The following TGFB1 variants were observed in gnomAD, a reference collection of about 807,000 sequenced individuals.
The protein encoded by TGFB1 is transforming growth factor beta-1 proprotein.
A neutral mutation model predicts 43.8 loss-of-function variants in TGFB1; 19 were observed. The ratio of observed to expected loss-of-function variants is 0.43; its 90% confidence interval spans 0.30 to 0.64. TGFB1 has a LOEUF of 0.64. Among genes scored for constraint, TGFB1 ranks in the 30% least tolerant of loss-of-function variants. The pLI is 0.11. For missense variants in TGFB1, 445 were observed against 529.8 expected, an observed-to-expected ratio of 0.84 and a Z score of 1.57; for synonymous variants, 221 against 236.3, an observed-to-expected ratio of 0.94 and a Z score of 0.60.
Position 41,352,629 on chromosome 19 carries a change from C to T in TGFB1, c.355+61G>A, listed in dbSNP as rs1351452927. On this transcript the variant is annotated intron_variant, in intron 1 of 6. Coordinates refer to ENST00000221930, the MANE Select transcript of TGFB1 (RefSeq NM_000660.7). ...CTGCCAGTCACTTCCTACCCGTGGCCCCGGCACTCCGGCGCCCCCTGGGGG... is the reference window on the plus strand; with the variant it reads ...CTGCCAGTCACTTCCTACCCGTGGCTCCGGCACTCCGGCGCCCCCTGGGGG... 8 of 1,582,296 alleles carry T rather than the reference C, an allele frequency of 5.1e-6. No individual in the cohort carries two copies. In the South Asian group the frequency reaches 5.6e-5, roughly 11 times the overall value.
chr19:41,346,701 T>C (rs543318549), intron 2 of TGFB1, among the ~76,000 whole-genome samples: 95 of 152,226 alleles, frequency 6.2e-4, no homozygotes, highest in Non-Finnish European at 9.6e-4. Flanking sequence ...ACTAGAAATA[T>C]GGCCAGTGAG....
Position 41,330,994 on chromosome 19 carries a change from C to CGGGGGCGGGGCGGGGT in TGFB1, c.*42_*57dup. The CGGGGGCGGGGCGGGGT allele has an allele frequency of 1.0e-6, 1 of 960,120 alleles. No homozygotes were observed. The highest frequency in any genetic ancestry group is 3.0e-5 in the South Asian group (1 of 33,656). The allele number at this position is 960,120 out of a possible 1,614,324, so 59.5% of individuals were successfully genotyped here. A position where few individuals can be genotyped will look rare whatever the true frequency, so the allele number is the denominator to read the frequency against. On this transcript the variant is annotated 3_prime_UTR_variant, in exon 7 of 7. Transcript: ENST00000221930. ...AATACAGCCCCCATGGGCAAGGCAG[C>CGGGGGCGGGGCGGGGT]GGGGGCGGGGCGGGGTGGGGCCGGG...
chr19:41,333,209 ATTTTTTTT>A (rs1161079448), intron 5 of TGFB1, among the ~76,000 whole-genome samples: 1 of 86,400 alleles, frequency 1.2e-5, no homozygotes, highest in African/African-American at 5.2e-5. Flanking sequence ...TTTTTTTTCT[ATTTTTTTT>A]TTTTTTTTTT....
chr19:41,333,396 G>A (rs921612845), intron 5 of TGFB1, among the ~76,000 whole-genome samples: 1 of 151,716 alleles, frequency 6.6e-6, no homozygotes, highest in Non-Finnish European at 1.5e-5. Flanking sequence ...TGTCTTTTTA[G>A]TAGAGACAGG....
chr19:41,348,100 C>T (rs867018886), intron 2 of TGFB1, among the ~76,000 whole-genome samples, 195 bp downstream of exon 2: 4 of 151,326 alleles, frequency 2.6e-5, no homozygotes, highest in Middle Eastern at 3.4e-3. Flanking sequence ...CCACTGCACT[C>T]CAGCTTGGCA....
At chr19:41,333,299 G>T (rs1206685358) in intron 5 of TGFB1, among the ~76,000 whole-genome samples, 1 of 131,398 alleles carries the variant, frequency 7.6e-6, no homozygotes, top group East Asian at 2.5e-4. Context: ...TGCAACCTCC[G>T]CCTCCCAGGT....
At position 41,331,805 on chromosome 19, in the gene TGFB1, T is replaced by C. The variant is rs2037935038; in HGVS notation, c.1014+323A>G. ...TCTCTCCTTGGCCTAACTCTGTGTC[T>C]GTATCTGTCTCTCTCATTTTGTCTC... On this transcript the variant is annotated intron_variant, in intron 6 of 6. Transcript: ENST00000221930. 2.6e-5 allele frequency among the ~76,000 whole-genome samples: 4 copies of C among 151,780 alleles called. No homozygotes were observed. In the South Asian group the frequency reaches 8.3e-4, roughly 31 times the overall value.
chr19:41,344,867 AGAG>A lies in TGFB1; in HGVS notation c.517-6_517-4del, dbSNP rs1388519730. ...CGCCAGGAATTGTTGCTGTATTTCT[AGAG>A]GATGATGAAGGCAGGAGAGAGACAG... On this transcript the variant is annotated splice_region_variant and splice_polypyrimidine_tract_variant and intron_variant, in intron 2 of 6. Transcript: ENST00000221930. 6.3e-7 allele frequency: 1 copy of A among 1,579,914 alleles called. No individual in the cohort carries two copies. Among genetic ancestry groups the A allele is most frequent in the Non-Finnish European group, 8.6e-7 (1 of 1,162,328 alleles).
At chr19:41,341,493 G>GAAAAAAAAA (rs2038055242) in intron 5 of TGFB1, among the ~76,000 whole-genome samples, 1 of 79,374 alleles carries the variant, frequency 1.3e-5, no homozygotes, top group Non-Finnish European at 2.7e-5. Flanking sequence ...AAAAAAAAAG[G>GAAAAAAAAA]AACCTGATCC....
chr19:41,344,458 G>A (rs1167633147), intron 3 of TGFB1, among the ~76,000 whole-genome samples: 1 of 152,126 alleles, frequency 6.6e-6, no homozygotes, highest in African/African-American at 2.4e-5. Flanking sequence ...TTACAGGTCT[G>A]TTCCCCAGCT....
chr19:41,345,269 G>T (rs2038103187), intron 2 of TGFB1, among the ~76,000 whole-genome samples: 1 of 152,162 alleles, frequency 6.6e-6, no homozygotes, highest in Non-Finnish European at 1.5e-5. Context: ...GCCCAAGGTG[G>T]GTGGATCACT....
intron 5 of TGFB1, among the ~76,000 whole-genome samples, chr19:41,333,737 G>C (rs2037960344): frequency 6.6e-6 from 1 of 152,216 alleles, no homozygotes; most frequent in Non-Finnish European, 1.5e-5. Flanking sequence ...CTGGAATGCA[G>C]TAGGTACTAG....
At chr19:41,341,087 T>C (rs1446583935) in intron 5 of TGFB1, among the ~76,000 whole-genome samples, 2 of 150,848 alleles carry the variant, frequency 1.3e-5, no homozygotes, top group Non-Finnish European at 3.0e-5. Context: ...ATCCCAGCAC[T>C]TCGGGAGGCT....
intron 1 of TGFB1, among the ~76,000 whole-genome samples, chr19:41,350,509 T>C (rs915740852): frequency 2.6e-5 from 4 of 152,088 alleles, no homozygotes; most frequent in African/African-American, 9.7e-5. Context: ...GGTTTCACCA[T>C]GTTGGCCAGG....
chr19:41,332,376 G>GCC, intron 5 of TGFB1, 95 bp from the exon 6 acceptor site: 1 of 1,433,910 alleles, frequency 7.0e-7, no homozygotes, highest in Non-Finnish European at 9.5e-7. Context: ...ACCCTAGGTT[G>GCC]CCCCCCCAGC....
At chr19:41,345,868 C>T (rs2038110709) in intron 2 of TGFB1, among the ~76,000 whole-genome samples, 1 of 151,798 alleles carries the variant, frequency 6.6e-6, no homozygotes, top group Non-Finnish European at 1.5e-5. Flanking sequence ...CACCACTGCA[C>T]TCTAGCCAGG....
chr19:41,338,632 A>C (rs931169594), intron 5 of TGFB1, among the ~76,000 whole-genome samples: 1 of 151,962 alleles, frequency 6.6e-6, no homozygotes, highest in Admixed American at 6.6e-5. Context: ...TGACCTCAGG[A>C]GTTCAAGACC....
Position 41,331,005 on chromosome 19 carries a change from C to CGGGGT in TGFB1, c.*42_*46dup, listed in dbSNP as rs1172998842. On this transcript the variant is annotated 3_prime_UTR_variant, in exon 7 of 7. Transcript: ENST00000221930. Reference sequence around the variant, plus strand: ...CATGGGCAAGGCAGCGGGGGCGGGGCGGGGTGGGGCCGGGCCTGCCGGGGC... The same window carrying CGGGGT: ...CATGGGCAAGGCAGCGGGGGCGGGGCGGGGTGGGGTGGGGCCGGGCCTGCCGGGGC... 4 of 936,850 alleles carry CGGGGT rather than the reference C, an allele frequency of 4.3e-6. No homozygotes were observed. The highest frequency in any genetic ancestry group is 4.9e-6 in the Non-Finnish European group (4 of 810,140). 58.0% of individuals were successfully genotyped at this position (936,850 alleles called of 1,614,324 possible). A position where few individuals can be genotyped will look rare whatever the true frequency, so the allele number is the denominator to read the frequency against.
At chr19:41,339,422 A>G (rs1406708952) in intron 5 of TGFB1, among the ~76,000 whole-genome samples, 3 of 151,382 alleles carry the variant, frequency 2.0e-5, no homozygotes, top group African/African-American at 7.3e-5. Flanking sequence ...CCTGGCCTTC[A>G]GGTTTGATTT....
Sources: allele counts gnomAD v4.1 joint callset (sites outside exome capture counted in the v4.1 genomes callset), GRCh38; gene constraint gnomAD v4.1.1; transcripts MANE v1.5; gene names NCBI Gene and HGNC (gene_info 2026-07-23, HGNC 2026-07-21).